Variants in NCAPD2 observed in about 807,000 individuals in gnomAD.
NCAPD2 encodes non-SMC condensin I complex subunit D2.
In NCAPD2, 100 loss-of-function variants were observed where a neutral mutation model predicts 164.5. The observed-to-expected ratio is 0.61, with a 90% confidence interval of 0.52 to 0.72. The LOEUF is 0.72. Ranked by LOEUF, NCAPD2 falls within the 30% of genes least tolerant of loss-of-function variation. NCAPD2 has a pLI of 0.00. For synonymous variants in NCAPD2, 585 were observed against 642.6 expected, an observed-to-expected ratio of 0.91 and a Z score of 1.36; for missense variants, 1,560 against 1,749.2, an observed-to-expected ratio of 0.89 and a Z score of 1.93.
In NCAPD2 at chr12:6,528,324, G is replaced by A; in HGVS notation, c.3295G>A (p.Ala1099Thr). Residue 1099 changes from alanine to threonine, a missense_variant, in exon 25 of 32, where the codon GCT (alanine) becomes ACT (threonine). Ala to Thr is a moderately conservative substitution (Grantham distance 58, BLOSUM62 0). Coordinates refer to ENST00000315579, the MANE Select transcript of NCAPD2 (RefSeq NM_014865.4). The surrounding 1 kb of genome is among the most constrained non-coding windows in gnomAD (Gnocchi z 5.1). ...LVDPWTPHLY[A>T]RLRDPAQQVR... ...GGACCCCTGGACTCCTCATCTGTATGCTCGGTAAGAGACCCCTCACAACGT... is the reference window on the plus strand; with the variant it reads ...GGACCCCTGGACTCCTCATCTGTATACTCGGTAAGAGACCCCTCACAACGT... 1.5e-5 allele frequency: 24 copies of A among 1,613,600 alleles called. No individual in the cohort carries two copies. Among genetic ancestry groups the A allele is most frequent in the Non-Finnish European group, 1.9e-5 (23 of 1,180,014 alleles).
At chr12:6,514,632 G>C (rs1946182485) in intron 8 of NCAPD2, 45 bp downstream of exon 8, 1 of 1,612,924 alleles carries the variant, frequency 6.2e-7, no homozygotes, top group South Asian at 1.1e-5. Context: ...TTTCCTTGGG[G>C]AGGGAATAAA....
chr12:6,520,129 C>T (rs544886985), intron 13 of NCAPD2, among the ~76,000 whole-genome samples: 4 of 150,492 alleles, frequency 2.7e-5, no homozygotes, highest in African/African-American at 7.3e-5. Context: ...TATAGTGAGC[C>T]AAGATCATGC....
chr12:6,522,079 T>C, intron 15 of NCAPD2, 42 bp downstream of exon 15: 1 of 1,571,582 alleles, frequency 6.4e-7, no homozygotes, highest in Non-Finnish European at 8.6e-7. Flanking sequence ...CTTGGGGTTC[T>C]TTTGGATTTT....
At chr12:6,525,225 C>A (rs949806729) in intron 17 of NCAPD2, among the ~76,000 whole-genome samples, 4 of 152,142 alleles carry the variant, frequency 2.6e-5, no homozygotes, top group African/African-American at 9.7e-5. Flanking sequence ...ATACCACTGG[C>A]AAAATGAAAA....
At position 6,527,869 on chromosome 12, in the gene NCAPD2, C is replaced by T. The variant is rs142275546; in HGVS notation, c.3000C>T (p.Cys1000=). 52 of 1,613,488 alleles carry T rather than the reference C, an allele frequency of 3.2e-5. No homozygotes were observed. Among genetic ancestry groups the T allele is most frequent in the Non-Finnish European group, 4.1e-5 (48 of 1,179,550 alleles). The part of the protein sequence containing the change: ...DTEAELIRGI[C]EMELLDGKQT... ...AGGCAGAACTAATCCGTGGCATCTG[C>T]GAGATGGAACTGTTGGATGGTAAGA... The change falls in exon 23 of 32, where the codon TGC becomes TGT. Residue 1000 remains cysteine (C), a synonymous_variant. Transcript: ENST00000315579.
intron 2 of NCAPD2, among the ~76,000 whole-genome samples, chr12:6,499,462 A>G (rs1339495859): frequency 6.6e-6 from 1 of 152,042 alleles, no homozygotes; most frequent in Non-Finnish European, 1.5e-5. Flanking sequence ...GTATCGGCTC[A>G]CTGCACCCTC....
chr12:6,496,871 A>G (rs1207109133), intron 2 of NCAPD2, among the ~76,000 whole-genome samples: 1 of 152,198 alleles, frequency 6.6e-6, no homozygotes, highest in Non-Finnish European at 1.5e-5. Flanking sequence ...TTAAAAACTA[A>G]AACACCTACA....
At position 6,528,895 on chromosome 12, in the gene NCAPD2, G is replaced by T; in HGVS notation, c.3477+39G>T. The T allele has an allele frequency of 6.2e-7, 1 of 1,613,272 alleles. No homozygotes were observed. The highest frequency in any genetic ancestry group is 1.1e-5 in the South Asian group (1 of 91,066). On this transcript the variant is annotated intron_variant, in intron 26 of 31. Coordinates refer to ENST00000315579, the MANE Select transcript of NCAPD2 (RefSeq NM_014865.4). The surrounding 1 kb of genome is among the most constrained non-coding windows in gnomAD (Gnocchi z 5.1). ...AGGCACTGAGGGCTGGCTGCAGAGG[G>T]AATCTGTAGGTCACCTCATCTCCTT...
At chr12:6,529,131 T>A in intron 27 of NCAPD2, 92 bp downstream of exon 27, 1 of 1,184,662 alleles carries the variant, frequency 8.4e-7, no homozygotes, top group Non-Finnish European at 1.2e-6. Flanking sequence ...TCGGCTACTC[T>A]TTAGCTGTAC....
At position 6,523,280 on chromosome 12, in the gene NCAPD2, G is replaced by A. The variant is rs1381301226; in HGVS notation, c.2148G>A (p.Leu716=). ...CCCACAGAGCCAAGGCCCAGGCTTT[G>A]ATTCAGAATCTCTCTCTGCTGCTAG... The part of the protein sequence containing the change: ...GDSARAKAQA[L]IQNLSLLLVD... Residue 716 remains leucine (L), a synonymous_variant, in exon 17 of 32, where the codon TTG becomes TTA. Coordinates refer to ENST00000315579, the MANE Select transcript of NCAPD2 (RefSeq NM_014865.4). 6.2e-7 allele frequency: 1 copy of A among 1,613,968 alleles called. No homozygotes were observed. Among genetic ancestry groups the A allele is most frequent in the Non-Finnish European group, 8.5e-7 (1 of 1,179,992 alleles).
intron 13 of NCAPD2, chr12:6,518,273 G>A (rs983305766): frequency 2.2e-5 from 4 of 185,776 alleles, no homozygotes; most frequent in African/African-American, 9.5e-5. Flanking sequence ...TGAATAAGTT[G>A]CTTAACTTTC....
intron 4 of NCAPD2, 79 bp downstream of exon 4, chr12:6,510,212 C>T (rs532714079): frequency 7.0e-7 from 1 of 1,423,222 alleles, no homozygotes; most frequent in South Asian, 1.1e-5. Context: ...GTTTTTCCTA[C>T]ATTTTGTCAG....
rs61751201 is a variant in NCAPD2 at position 6,521,986 on chromosome 12, A to C, written c.1903A>C (p.Thr635Pro). Residue 635 changes from threonine to proline, a missense_variant, in exon 15 of 32, where the codon ACA becomes CCA. Transcript: ENST00000315579. ...QDAYSFSRKI[T>P]EAIGIISKMM... Reference sequence around the variant, plus strand: ...TGCCTACAGCTTCTCCCGGAAGATTACAGAGGCCATTGGCATCATCAGCAA... The same window carrying C: ...TGCCTACAGCTTCTCCCGGAAGATTCCAGAGGCCATTGGCATCATCAGCAA... 5.5e-4 allele frequency: 891 copies of C among 1,614,208 alleles called. 4 individuals are homozygous for C. In the African/African-American group the frequency reaches 9.2e-3, roughly 17 times the overall value.
intron 13 of NCAPD2, among the ~76,000 whole-genome samples, chr12:6,518,585 A>G (rs938625733): frequency 1.4e-4 from 19 of 132,382 alleles, no homozygotes; most frequent in Non-Finnish European, 2.6e-4. Flanking sequence ...CAGTGACACG[A>G]TCTTGGCTCA....
Position 6,529,843 on chromosome 12 carries a change from G to GT in NCAPD2, c.3723dup (p.Lys1242Ter), listed in dbSNP as rs1565548148. 1 of 1,614,262 alleles carries GT rather than the reference G, an allele frequency of 6.2e-7. No homozygotes were observed. The highest frequency in any genetic ancestry group is 2.2e-5 in the East Asian group (1 of 44,892). ...CTGCCCCTCACAGAGCGAGGCCTCCGTAAGATGCTTGACAATTTTGACTGT... is the reference window on the plus strand; with the variant it reads ...CTGCCCCTCACAGAGCGAGGCCTCCGTTAAGATGCTTGACAATTTTGACTGT... On this transcript the variant is annotated frameshift_variant, in exon 29 of 32. Transcript: ENST00000315579. LOFTEE classifies it high-confidence loss of function.
chr12:6,515,502 C>T (rs756968616), intron 9 of NCAPD2, among the ~76,000 whole-genome samples: 39 of 152,176 alleles, frequency 2.6e-4, no homozygotes, highest in African/African-American at 2.4e-5. Flanking sequence ...TTCTGAGTCC[C>T]ATCTGTTCCT....
chr12:6,505,170 G>A (rs781257170), intron 2 of NCAPD2, among the ~76,000 whole-genome samples: 2 of 152,100 alleles, frequency 1.3e-5, no homozygotes, highest in East Asian at 1.9e-4. Context: ...GGGTTCAAGC[G>A]ATTCTCCTGC....
At position 6,509,730 on chromosome 12, in the gene NCAPD2, C is replaced by T. The variant is rs779030989; in HGVS notation, c.141C>T (p.Ala47=). The change falls in exon 3 of 32, where the codon GCC becomes GCT. Residue 47 remains alanine, a synonymous_variant. Coordinates refer to ENST00000315579, the MANE Select transcript of NCAPD2 (RefSeq NM_014865.4). ...CCATCTTCATAGCTTTTCAGGCTGC[C>T]TTTCGAGCTCAGGGGCCCCTGGCTA... The part of the protein sequence containing the change: ...LPPQLRAFQA[A]FRAQGPLAML... 2.5e-6 allele frequency: 4 copies of T among 1,613,940 alleles called. No individual in the cohort carries two copies. Among genetic ancestry groups the T allele is most frequent in the Non-Finnish European group, 3.4e-6 (4 of 1,179,934 alleles).
intron 9 of NCAPD2, among the ~76,000 whole-genome samples, chr12:6,515,625 C>T (rs377017583): frequency 1.3e-5 from 2 of 152,314 alleles, no homozygotes; most frequent in South Asian, 2.1e-4. Context: ...GAATGCTAAC[C>T]TGGCTGATTC....
Sources: allele counts gnomAD v4.1 joint callset (sites outside exome capture counted in the v4.1 genomes callset), GRCh38; gene constraint gnomAD v4.1.1; non-coding constraint Gnocchi (gnomAD v3.1); transcripts MANE v1.5; gene names NCBI Gene and HGNC (gene_info 2026-07-23, HGNC 2026-07-21).